Variants in MSRA observed in about 807,000 individuals in gnomAD.
The protein encoded by MSRA is mitochondrial peptide methionine sulfoxide reductase.
Under a neutral mutation model 31.3 loss-of-function variants are expected in MSRA, and 54 were observed. The observed-to-expected ratio is 1.73, with a 90% CI of 1.39 to 2.17. The LOEUF (loss-of-function observed/expected upper bound fraction) is 2.17, where lower values mean the gene tolerates loss of function less well. Among genes scored for constraint, MSRA ranks in the 30% most tolerant of loss-of-function variants. The pLI is 0.00. For synonymous variants in MSRA, 169 were observed against 116.5 expected, an observed-to-expected ratio of 1.45 and a Z score of -2.90; for missense variants, 507 against 300.9, an observed-to-expected ratio of 1.69 and a Z score of -5.07.
chr8:10,316,573 TCC>T (rs1554524261), intron 4 of MSRA, among the ~76,000 whole-genome samples: 1 of 140,094 alleles, frequency 7.1e-6, no homozygotes, highest in Non-Finnish European at 1.6e-5. Flanking sequence ...TCTCTCTCTC[TCC>T]TTCCTCCTCC....
At chr8:10,426,975 G>GGGCCTCAAGATCCTCGATC (rs150708321) in intron 5 of MSRA, among the ~76,000 whole-genome samples, 150,844 of 152,172 alleles carry the variant, frequency 0.99, 74,768 homozygotes, top group Middle Eastern at 1. Flanking sequence ...CGGACCTGCT[G>GGGCCTCAAGATCCTCGATC]GGCCTTCTGC....
rs143683081 is a variant in MSRA, at chr8:10,194,162, C to A, written c.143-13671C>A. Among the ~76,000 whole-genome samples, 239 of 152,210 alleles carry A rather than the reference C, an allele frequency of 1.6e-3. 7 individuals carry two copies. In the East Asian group the frequency reaches 0.042, roughly 27 times the overall value. On this transcript the variant is annotated intron_variant, in intron 1 of 5. Coordinates refer to ENST00000317173, the MANE Select transcript of MSRA (RefSeq NM_012331.5). ...GAGTCTCACTCTCCCCCTCTCTCCTCCAAAGTAAAAAAGGGGTGAACCCAC... is the reference window on the plus strand; with the variant it reads ...GAGTCTCACTCTCCCCCTCTCTCCTACAAAGTAAAAAAGGGGTGAACCCAC...
chr8:10,120,505 G>A (rs758757590), intron 1 of MSRA, among the ~76,000 whole-genome samples: 2 of 152,156 alleles, frequency 1.3e-5, no homozygotes, highest in African/African-American at 4.8e-5. Context: ...AAAATACTAA[G>A]CTAAAATGTT....
At chr8:10,141,971 G>A (rs1183161595) in intron 1 of MSRA, among the ~76,000 whole-genome samples, 1 of 152,064 alleles carries the variant, frequency 6.6e-6, no homozygotes, top group East Asian at 1.9e-4. Context: ...TTGTTTGTTT[G>A]TTTGGAGATG....
intron 3 of MSRA, among the ~76,000 whole-genome samples, chr8:10,283,160 A>ACACACACACACACTCTCTCTCTCT: frequency 2.9e-5 from 4 of 140,318 alleles, no homozygotes; most frequent in African/African-American, 1.1e-4. Context: ...ACACACACAC[A>ACACACACACACACTCTCTCTCTCT]CTCTCACCCT....
intron 1 of MSRA, among the ~76,000 whole-genome samples, chr8:10,079,095 C>G (rs1313307308): frequency 6.6e-6 from 1 of 152,126 alleles, no homozygotes; most frequent in African/African-American, 2.4e-5. Context: ...TTTAGCGTTG[C>G]CCGCAGGCTC....
intron 5 of MSRA, among the ~76,000 whole-genome samples, chr8:10,416,016 G>C (rs192134172): frequency 1.3e-5 from 2 of 152,088 alleles, no homozygotes; most frequent in South Asian, 4.2e-4. Flanking sequence ...TGACCCTCTG[G>C]GTGGGGGACA....
At chr8:10,293,523 G>T (rs1446042600) in intron 3 of MSRA, among the ~76,000 whole-genome samples, 3 of 152,184 alleles carry the variant, frequency 2.0e-5, no homozygotes, top group Non-Finnish European at 4.4e-5. Flanking sequence ...CTGGGCCTCA[G>T]TCCAGCCTCC....
At chr8:10,388,756 T>G (rs1001591442) in intron 5 of MSRA, among the ~76,000 whole-genome samples, 1 of 152,010 alleles carries the variant, frequency 6.6e-6, no homozygotes, top group African/African-American at 2.4e-5. Flanking sequence ...TGGAGCCAGA[T>G]AATTCCGTGT....
chr8:10,201,645 T>C (rs942503520), intron 1 of MSRA, among the ~76,000 whole-genome samples: 5 of 152,254 alleles, frequency 3.3e-5, no homozygotes, highest in African/African-American at 1.2e-4. Flanking sequence ...AGTCATACAA[T>C]TTGAAGTGCA....
chr8:10,337,980 G>T (rs1286548281), intron 5 of MSRA, among the ~76,000 whole-genome samples: 1 of 152,132 alleles, frequency 6.6e-6, no homozygotes, highest in African/African-American at 2.4e-5. Flanking sequence ...GAAAGCAGGG[G>T]TTAGGGGAGT....
At chr8:10,426,503 C>G (rs1438688312) in intron 5 of MSRA, among the ~76,000 whole-genome samples, 1 of 152,244 alleles carries the variant, frequency 6.6e-6, no homozygotes, top group African/African-American at 2.4e-5. Context: ...GAGTCCTGCG[C>G]TCATCCTCAC....
rs185590142 is a variant in MSRA, at chr8:10,155,369, A to C, written c.143-52464A>C. Among the ~76,000 whole-genome samples the C allele has an allele frequency of 7.4e-4, 113 of 152,328 alleles. 2 individuals are homozygous for C. The highest frequency in any genetic ancestry group is 3.4e-3 in the Middle Eastern group (1 of 294). ...GAGTTGAAAGTATCAGTATGAAGTCATGTTAAAATACACCCACGCTCTCTC... is the reference window on the plus strand; with the variant it reads ...GAGTTGAAAGTATCAGTATGAAGTCCTGTTAAAATACACCCACGCTCTCTC... On this transcript the variant is annotated intron_variant, in intron 1 of 5. Coordinates refer to ENST00000317173, the MANE Select transcript of MSRA (RefSeq NM_012331.5).
rs146377097 is a variant in MSRA, at chr8:10,340,708, C to T, written c.543+20719C>T. On this transcript the variant is annotated intron_variant, in intron 5 of 5. Transcript: ENST00000317173. Reference sequence around the variant, plus strand: ...TTATTATACCCACTTTATAAAGTGGCGAGGATGGCATGTTTTGATTCAATT... The same window carrying T: ...TTATTATACCCACTTTATAAAGTGGTGAGGATGGCATGTTTTGATTCAATT... Among the ~76,000 whole-genome samples, 67 of 152,334 alleles carry T rather than the reference C, an allele frequency of 4.4e-4. No homozygotes were observed. In the East Asian group the frequency reaches 0.011, roughly 26 times the overall value.
At chr8:10,252,036 C>T (rs1028152878) in intron 3 of MSRA, among the ~76,000 whole-genome samples, 1 of 152,194 alleles carries the variant, frequency 6.6e-6, no homozygotes, top group African/African-American at 2.4e-5. Flanking sequence ...AAGATTCAAG[C>T]TGCTTGGAGA....
At chr8:10,232,616 A>G (rs188891761) in intron 2 of MSRA, among the ~76,000 whole-genome samples, 6 of 152,344 alleles carry the variant, frequency 3.9e-5, no homozygotes, top group Non-Finnish European at 7.4e-5. Flanking sequence ...AAAGGGCTTT[A>G]TGAAAATTTG....
intron 1 of MSRA, among the ~76,000 whole-genome samples, chr8:10,122,627 C>T (rs1036443379): frequency 1.3e-4 from 19 of 151,420 alleles, no homozygotes; most frequent in African/African-American, 3.9e-4. Flanking sequence ...ATTATTTTGT[C>T]ACCCGGATAC....
chr8:10,428,654 T>C lies in MSRA; in HGVS notation c.*342T>C. On this transcript the variant is annotated 3_prime_UTR_variant, in exon 6 of 6. Coordinates refer to ENST00000317173, the MANE Select transcript of MSRA (RefSeq NM_012331.5). ...CAGGATGGGGGACCCCAGAAGTCCTTTATCTGTGCTCTCTGCCCGCCAGTG... is the reference window on the plus strand; with the variant it reads ...CAGGATGGGGGACCCCAGAAGTCCTCTATCTGTGCTCTCTGCCCGCCAGTG... 1 of 292,080 alleles carries C rather than the reference T, an allele frequency of 3.4e-6. No homozygotes were observed. The highest frequency in any genetic ancestry group is 3.7e-5 in the South Asian group (1 of 26,774). The allele number at this position is 292,080 out of a possible 1,614,324, so 18.1% of individuals were successfully genotyped here. A position where few individuals can be genotyped will look rare whatever the true frequency, so the allele number is the denominator to read the frequency against.
chr8:10,310,962 G>A (rs955230741), intron 4 of MSRA, among the ~76,000 whole-genome samples: 2 of 152,166 alleles, frequency 1.3e-5, no homozygotes, highest in Non-Finnish European at 2.9e-5. Context: ...AAAACTTTTA[G>A]CCAGGAAGAG....
Sources: gnomAD v4.1 joint callset for allele counts (sites outside exome capture counted in the v4.1 genomes callset) on GRCh38, gnomAD v4.1.1 for gene constraint, MANE v1.5 for transcripts, NCBI Gene and HGNC (gene_info 2026-07-23, HGNC 2026-07-21) for gene names.